The following LIN54 variants were observed in gnomAD, a reference collection of about 807,000 sequenced individuals.
The protein encoded by LIN54 is protein lin-54 homolog.
Under a neutral mutation model 78.7 loss-of-function variants are expected in LIN54, and 9 were observed. The ratio of observed to expected loss-of-function variants is 0.11; its 90% CI spans 0.07 to 0.20. The LOEUF (loss-of-function observed/expected upper bound fraction) is 0.20, where lower values mean the gene tolerates loss of function less well. Ranked by LOEUF, LIN54 falls within the 10% of genes least tolerant of loss-of-function variation. LIN54 has a pLI of 1.00. For synonymous variants in LIN54, 269 were observed against 318.4 expected, an observed-to-expected ratio of 0.84 and a Z score of 1.65; for missense variants, 573 against 889.9, an observed-to-expected ratio of 0.64 and a Z score of 4.53.
intron 1 of LIN54, among the ~76,000 whole-genome samples, chr4:82,992,400 G>A (rs748234783): frequency 3.7e-4 from 57 of 152,072 alleles, no homozygotes; most frequent in Non-Finnish European, 6.8e-4. Flanking sequence ...TTTTTGGACC[G>A]GGCATGGTGG....
chr4:82,942,297 C>T (rs945094917), intron 5 of LIN54, among the ~76,000 whole-genome samples: 8 of 152,104 alleles, frequency 5.3e-5, no homozygotes, highest in Admixed American at 1.3e-4. Flanking sequence ...GAGCAGGAGA[C>T]GTCTAGAGAG....
chr4:82,928,589 C>T (rs1018192416), intron 12 of LIN54, among the ~76,000 whole-genome samples: 1 of 152,152 alleles, frequency 6.6e-6, no homozygotes, highest in African/African-American at 2.4e-5. Flanking sequence ...ATAGTCTACA[C>T]GAAGACTAGA....
chr4:83,002,406 G>A (rs1461087169), intron 1 of LIN54, among the ~76,000 whole-genome samples: 4 of 148,046 alleles, frequency 2.7e-5, no homozygotes, highest in African/African-American at 1.0e-4. Context: ...GAAGGAAGGA[G>A]GGAAGGAAGG....
intron 12 of LIN54, 63 bp from the exon 13 acceptor site, chr4:82,928,366 A>G: frequency 1.6e-6 from 2 of 1,279,172 alleles, no homozygotes; most frequent in Non-Finnish European, 2.3e-6. Context: ...AGTGGATAAC[A>G]TTCTTTCATC....
intron 4 of LIN54, among the ~76,000 whole-genome samples, chr4:82,969,480 G>A (rs971222670): frequency 3.1e-4 from 47 of 152,172 alleles, no homozygotes; most frequent in Non-Finnish European, 2.2e-4. Flanking sequence ...AAAAAGTTAT[G>A]CAGGTAGAAT....
chr4:83,012,252 C>T (rs947079752), upstream of LIN54, among the ~76,000 whole-genome samples: 1 of 152,146 alleles, frequency 6.6e-6, no homozygotes, highest in South Asian at 2.1e-4. Flanking sequence ...CCGCTCCCTT[C>T]CCCCGTGCAC....
rs1246211820 is a variant in LIN54, at chr4:83,001,949, AG to A, written c.-33+8534del. On this transcript the variant is annotated intron_variant, in intron 1 of 12. Coordinates refer to ENST00000340417, the MANE Select transcript of LIN54 (RefSeq NM_194282.4). ...AGGGAGGGAAGGAAGGAAGGAAGGA[AG>A]GAAGGAAGGAAGGAAGGAAGGAAGG... 8.2e-5 allele frequency among the ~76,000 whole-genome samples: 4 copies of A among 49,018 alleles called. 2 individuals carry two copies. The highest frequency in any genetic ancestry group is 1.5e-4 in the African/African-American group (2 of 13,408). The allele number at this position is 49,018 out of a possible 152,430, so 32.2% of individuals were successfully genotyped here. A position where few individuals can be genotyped will look rare whatever the true frequency, so the allele number is the denominator to read the frequency against.
intron 1 of LIN54, among the ~76,000 whole-genome samples, chr4:83,002,307 A>C (rs760107182): frequency 1.3e-5 from 2 of 151,714 alleles, no homozygotes; most frequent in Non-Finnish European, 1.5e-5. Flanking sequence ...AGACTGAGGC[A>C]TGAGGATCGC....
intron 3 of LIN54, among the ~76,000 whole-genome samples, chr4:82,971,770 G>A (rs775204187): frequency 9.4e-4 from 143 of 152,222 alleles, no homozygotes; most frequent in Middle Eastern, 3.4e-3. Context: ...AGTCACTAAA[G>A]GTGTCCCAGG....
At position 82,946,388 on chromosome 4, in the gene LIN54, G is replaced by A. The variant is rs776380390; in HGVS notation, c.1038C>T (p.Pro346=). 6 of 1,614,044 alleles carry A rather than the reference G, an allele frequency of 3.7e-6. No homozygotes were observed. The highest frequency in any genetic ancestry group is 1.7e-5 in the Admixed American group (1 of 60,010). The change falls in exon 5 of 13, where the codon CCC becomes CCT. Residue 346 remains proline (P), a synonymous_variant. Transcript: ENST00000340417. ...FKTIIPLATA[P]NVQQIQVPGS... ...CAGGCACTTGAATCTGCTGGACATT[G>A]GGAGCAGTTGCCAGAGGAATAATTG...
chr4:82,975,059 TA>T (rs1726049537), intron 3 of LIN54, among the ~76,000 whole-genome samples: 1 of 151,914 alleles, frequency 6.6e-6, no homozygotes. Context: ...ACTATACACT[TA>T]AAACAGTTAA....
At chr4:83,008,134 G>A (rs905899363) in intron 1 of LIN54, among the ~76,000 whole-genome samples, 1 of 152,200 alleles carries the variant, frequency 6.6e-6, no homozygotes, top group South Asian at 2.1e-4. Context: ...TTTATCTTCT[G>A]AAGTATATCT....
chr4:82,990,283 C>T (rs1000387971), intron 1 of LIN54, among the ~76,000 whole-genome samples: 5 of 152,100 alleles, frequency 3.3e-5, no homozygotes, highest in Non-Finnish European at 7.4e-5. Flanking sequence ...CCATGGATAC[C>T]GGCAGAAGAC....
chr4:82,961,523 G>A (rs575815489), intron 4 of LIN54, among the ~76,000 whole-genome samples: 1 of 152,104 alleles, frequency 6.6e-6, no homozygotes, highest in South Asian at 2.1e-4. Context: ...AAAAATAAAG[G>A]CTGAAAAAAA....
intron 1 of LIN54, among the ~76,000 whole-genome samples, chr4:82,988,832 G>A (rs911441572): frequency 3.9e-5 from 6 of 152,070 alleles, no homozygotes; most frequent in Admixed American, 2.6e-4. Context: ...CTTTTCATGT[G>A]CATATTGTCT....
In LIN54 at chr4:82,936,211, C is replaced by CAAA. The variant is rs1277590238; in HGVS notation, c.1707+67_1707+68insTTT. 10 of 1,549,198 alleles carry CAAA rather than the reference C, an allele frequency of 6.5e-6. No individual in the cohort carries two copies. The East Asian group carries it at 2.3e-4, about 35-fold the overall frequency. ...GAATTGATAACGTTTCTTTGCAAGACAATTGAGTTTTATAAAACTGATGAA... is the reference window on the plus strand; with the variant it reads ...GAATTGATAACGTTTCTTTGCAAGACAAAAATTGAGTTTTATAAAACTGATGAA... On this transcript the variant is annotated intron_variant, in intron 10 of 12. Transcript: ENST00000340417.
intron 3 of LIN54, among the ~76,000 whole-genome samples, chr4:82,972,948 T>TTA (rs1553953865): frequency 0.015 from 895 of 59,338 alleles, 14 homozygotes; most frequent in African/African-American, 0.036. Context: ...AGAATCCCTC[T>TTA]AAAAAAAAAA....
At position 82,939,697 on chromosome 4, in the gene LIN54, T is replaced by A. The variant is rs1219291663; in HGVS notation, c.1282A>T (p.Thr428Ser). The A allele has an allele frequency of 3.7e-6, 6 of 1,614,166 alleles. No individual in the cohort carries two copies. The highest frequency in any genetic ancestry group is 5.1e-6 in the Non-Finnish European group (6 of 1,179,996). ...AGCCGTTGCTGTGGCTGGCTAGTAG[T>A]TACTATTTGTGAAGTTGGATTGATT... ...KPINPTSQIV[T>S]TSQPQQRLIM... The change falls in exon 7 of 13, where the codon ACT (threonine) becomes TCT (serine). Residue 428 changes from threonine to serine, a missense_variant. Thr to Ser is a moderately conservative substitution (Grantham distance 58). This residue lies in a region of LIN54 where 199 missense variants were observed against 260.9 expected (regional missense o/e 0.76). Transcript: ENST00000340417.
At chr4:82,988,769 T>C (rs1727404087) in intron 1 of LIN54, among the ~76,000 whole-genome samples, 1 of 152,228 alleles carries the variant, frequency 6.6e-6, no homozygotes, top group Non-Finnish European at 1.5e-5. Flanking sequence ...TGTGAAGTGA[T>C]ATCTCATTGT....
Sources: gnomAD v4.1 joint callset for allele counts (sites outside exome capture counted in the v4.1 genomes callset) on GRCh38, gnomAD v4.1.1 for gene constraint, gnomAD v4.1.1 regional missense constraint, MANE v1.5 for transcripts, NCBI Gene and HGNC (gene_info 2026-07-23, HGNC 2026-07-21) for gene names.